Variants in PABPC4L observed in about 807,000 individuals in gnomAD.
PABPC4L encodes the protein poly(A) binding protein cytoplasmic 4 like.
For synonymous variants in PABPC4L, 169 were observed against 164.1 expected (o/e 1.03, Z -0.23); for missense variants, 452 against 451.4 (o/e 1.00, Z -0.01).
chr4:134,054,275 T>C, the PABPC4L span, among the ~76,000 whole-genome samples: 3 of 144,380 alleles, frequency 2.1e-5, no homozygotes, highest in Admixed American at 1.4e-4. Context: ...TATATATATA[T>C]ATATATATAT....
At chr4:134,041,287 C>T in the PABPC4L span, among the ~76,000 whole-genome samples, 9 of 152,088 alleles carry the variant, frequency 5.9e-5, no homozygotes, top group East Asian at 1.9e-4. Flanking sequence ...ATGTTTATTG[C>T]GGCACTGTTC....
chr4:134,020,241 T>C, the PABPC4L span, among the ~76,000 whole-genome samples: 1 of 152,022 alleles, frequency 6.6e-6, no homozygotes, highest in Admixed American at 6.6e-5. Flanking sequence ...TAGAGTGGGA[T>C]GTTCCTGAAA....
chr4:134,171,405 C>T, the PABPC4L span, among the ~76,000 whole-genome samples: 11 of 152,266 alleles, frequency 7.2e-5, no homozygotes, highest in South Asian at 4.1e-4. Context: ...TGAGCCACCA[C>T]GCCTGGCCAT....
chr4:134,118,887 T>C, the PABPC4L span, among the ~76,000 whole-genome samples: 1 of 151,796 alleles, frequency 6.6e-6, no homozygotes, highest in Non-Finnish European at 1.5e-5. Flanking sequence ...TGAGGCAAAA[T>C]GGTTAAAGGA....
chr4:134,183,877 A>T, the PABPC4L span, among the ~76,000 whole-genome samples: 4 of 151,756 alleles, frequency 2.6e-5, no homozygotes, highest in Admixed American at 2.6e-4. Context: ...ATGTATCAAA[A>T]AAAGCCATGA....
the PABPC4L span, among the ~76,000 whole-genome samples, chr4:134,150,740 G>T: frequency 6.6e-6 from 1 of 152,048 alleles, no homozygotes; most frequent in Non-Finnish European, 1.5e-5. Context: ...CAACTCATGG[G>T]ATTTGTGTTA....
chr4:133,952,577 C>T, the PABPC4L span, among the ~76,000 whole-genome samples: 2 of 152,054 alleles, frequency 1.3e-5, no homozygotes, highest in Admixed American at 6.6e-5. Context: ...GAAGAACTTT[C>T]CTCCCATTAA....
chr4:134,001,030 C>G, the PABPC4L span, among the ~76,000 whole-genome samples: 31 of 151,870 alleles, frequency 2.0e-4, no homozygotes, highest in East Asian at 4.3e-3. Context: ...TTTGGTGAAC[C>G]CTGACTGATA....
At chr4:133,954,275 G>A in the PABPC4L span, among the ~76,000 whole-genome samples, 1 of 152,158 alleles carries the variant, frequency 6.6e-6, no homozygotes, top group Non-Finnish European at 1.5e-5. Flanking sequence ...CAATGGGTGA[G>A]CGCTCTTTAC....
chr4:134,045,007 A>G, the PABPC4L span, among the ~76,000 whole-genome samples: 1 of 152,288 alleles, frequency 6.6e-6, no homozygotes, highest in Admixed American at 6.5e-5. Context: ...TGGCTGGGTT[A>G]AGGTTGGTAT....
chr4:134,024,451 G>C, the PABPC4L span, among the ~76,000 whole-genome samples: 4 of 152,238 alleles, frequency 2.6e-5, no homozygotes, highest in African/African-American at 9.6e-5. Flanking sequence ...CTGACCTGCA[G>C]ATGGCCACCT....
chr4:134,053,969 C>A, the PABPC4L span, among the ~76,000 whole-genome samples: 1 of 151,508 alleles, frequency 6.6e-6, no homozygotes, highest in African/African-American at 2.4e-5. Context: ...AACACAAAAT[C>A]CCAATTGTAA....
chr4:134,199,784 A>C lies in PABPC4L; in HGVS notation c.*123T>G. 1 of 1,279,204 alleles carries C rather than the reference A, an allele frequency of 7.8e-7. No individual in the cohort carries two copies. Among genetic ancestry groups the C allele is most frequent in the Non-Finnish European group, 1.0e-6 (1 of 956,488 alleles). 79.2% of individuals were successfully genotyped at this position (1,279,204 alleles called of 1,614,324 possible). A position where few individuals can be genotyped will look rare whatever the true frequency, so the allele number is the denominator to read the frequency against. On this transcript the variant is annotated 3_prime_UTR_variant, in exon 2 of 2. Transcript: ENST00000421491. ...TTTGTATAAAAAACGTTTTATCATA[A>C]AGTTTACTAAACTAAGCACCCATCA...
chr4:134,077,140 G>A, the PABPC4L span, among the ~76,000 whole-genome samples: 335 of 152,212 alleles, frequency 2.2e-3, 1 homozygote, highest in Middle Eastern at 6.8e-3. Flanking sequence ...ATATGTGCAC[G>A]CATTTGTCTG....
At chr4:134,130,084 AC>A in the PABPC4L span, among the ~76,000 whole-genome samples, 1 of 151,314 alleles carries the variant, frequency 6.6e-6, no homozygotes, top group African/African-American at 2.4e-5. Context: ...AAAAAAAACA[AC>A]TTTGAAAGAG....
the PABPC4L span, among the ~76,000 whole-genome samples, chr4:134,045,810 T>C: frequency 6.6e-6 from 1 of 152,174 alleles, no homozygotes; most frequent in Non-Finnish European, 1.5e-5. Context: ...ATGTAAATTA[T>C]TATTAATCTT....
chr4:134,053,288 T>C, the PABPC4L span, among the ~76,000 whole-genome samples: 1 of 152,270 alleles, frequency 6.6e-6, no homozygotes, highest in African/African-American at 2.4e-5. Flanking sequence ...CTGCAAGCTA[T>C]TGATTTGATT....
chr4:134,170,858 G>T, the PABPC4L span, among the ~76,000 whole-genome samples: 1 of 152,126 alleles, frequency 6.6e-6, no homozygotes, highest in Non-Finnish European at 1.5e-5. Context: ...CCAATAAGCG[G>T]ATTGCTGGAT....
At chr4:134,155,636 A>C in the PABPC4L span, among the ~76,000 whole-genome samples, 5 of 152,036 alleles carry the variant, frequency 3.3e-5, no homozygotes, top group Non-Finnish European at 7.4e-5. Flanking sequence ...ACATATAATC[A>C]TTTAAAACCC....
Sources: allele counts gnomAD v4.1 joint callset (sites outside exome capture counted in the v4.1 genomes callset), GRCh38; gene constraint gnomAD v4.1.1; transcripts MANE v1.5; gene names NCBI Gene and HGNC (gene_info 2026-07-23, HGNC 2026-07-21).